The following SLC25A48 variants were observed in gnomAD, a reference collection of about 807,000 sequenced individuals.
The protein encoded by SLC25A48 is CTC-321K16.1.
Under a neutral mutation model 32.2 loss-of-function variants are expected in SLC25A48, and 29 were observed. The observed-to-expected ratio is 0.90, with a 90% CI of 0.67 to 1.23. The LOEUF (loss-of-function observed/expected upper bound fraction) is 1.23, where lower values mean the gene tolerates loss of function less well. Among genes scored for constraint, SLC25A48 ranks in the 50% most tolerant of loss-of-function variants. The pLI is 0.00. For synonymous variants in SLC25A48, 164 were observed against 172.3 expected, an observed-to-expected ratio of 0.95 and a Z score of 0.38; for missense variants, 399 against 422.7, an observed-to-expected ratio of 0.94 and a Z score of 0.49.
chr5:135,714,187 G>A (rs1175297351), intron 3 of SLC25A48, among the ~76,000 whole-genome samples: 1 of 152,192 alleles, frequency 6.6e-6, no homozygotes, highest in Admixed American at 6.5e-5. Context: ...TGAGGGGTTG[G>A]CATGCCCCTG....
intron 3 of SLC25A48, among the ~76,000 whole-genome samples, chr5:135,789,094 A>G (rs552882823): frequency 1.1e-5 from 1 of 91,182 alleles, no homozygotes; most frequent in African/African-American, 3.3e-5. Flanking sequence ...AGAGAGAGGT[A>G]TTACTTCCTA....
chr5:135,821,403 C>T (rs1219631862), intron 4 of SLC25A48, among the ~76,000 whole-genome samples: 2 of 152,196 alleles, frequency 1.3e-5, no homozygotes, highest in Non-Finnish European at 2.9e-5. Flanking sequence ...CAGCCCCACC[C>T]TGAGCGGACT....
intron 3 of SLC25A48, among the ~76,000 whole-genome samples, chr5:135,769,257 A>ATT (rs1301840416): frequency 3.2e-5 from 1 of 31,494 alleles, no homozygotes; most frequent in Non-Finnish European, 9.3e-5. Flanking sequence ...TGTTTGCAAT[A>ATT]TTGGGGGGGG....
intron 3 of SLC25A48, chr5:135,650,268 T>C: frequency 2.6e-6 from 1 of 384,422 alleles, no homozygotes; most frequent in South Asian, 1.9e-5. Context: ...CTGTAGACAA[T>C]TGCTACTCAA....
intron 1 of SLC25A48, among the ~76,000 whole-genome samples, chr5:135,611,634 C>T (rs1752074511): frequency 6.6e-6 from 1 of 151,582 alleles, no homozygotes; most frequent in Non-Finnish European, 1.5e-5. Context: ...ATCGTTTGCA[C>T]CTGGGAGGTG....
intron 3 of SLC25A48, among the ~76,000 whole-genome samples, chr5:135,730,311 C>A (rs556655938): frequency 2.6e-5 from 4 of 152,134 alleles, no homozygotes; most frequent in African/African-American, 9.7e-5. Flanking sequence ...GGGGCCAAGT[C>A]TTTCCCATGC....
At chr5:135,628,914 C>A (rs867232130) in intron 1 of SLC25A48, among the ~76,000 whole-genome samples, 10 of 152,132 alleles carry the variant, frequency 6.6e-5, no homozygotes, top group Non-Finnish European at 1.3e-4. Context: ...TGTCTCAGAC[C>A]CCTGAGGCCA....
At chr5:135,697,383 G>T (rs926533352) in intron 3 of SLC25A48, among the ~76,000 whole-genome samples, 1 of 152,184 alleles carries the variant, frequency 6.6e-6, no homozygotes, top group Non-Finnish European at 1.5e-5. Context: ...TTGGTAGGTG[G>T]TGATTTTCTG....
rs115263564 is a variant in SLC25A48 at position 135,670,083 on chromosome 5, G to A, written c.-521+35127G>A. Among the ~76,000 whole-genome samples, 112 of 152,256 alleles carry A rather than the reference G, an allele frequency of 7.4e-4. 1 individual carries two copies. In the South Asian group the frequency reaches 8.7e-3, roughly 12 times the overall value. ...TTAACTGGGAGTTTCTTAGTAAATC[G>A]TTGTAGAAGCCTTTGTAGATAAGTT... On this transcript the variant is annotated intron_variant, in intron 3 of 10. Coordinates refer to the SLC25A48 transcript ENST00000646290.
chr5:135,624,236 G>C lies in SLC25A48; in HGVS notation c.-848-5001G>C, dbSNP rs749354693. Among the ~76,000 whole-genome samples, 43 of 152,164 alleles carry C rather than the reference G, an allele frequency of 2.8e-4. 1 individual carries two copies. Among genetic ancestry groups the C allele is most frequent in the Non-Finnish European group, 1.8e-4 (12 of 68,028 alleles). On this transcript the variant is annotated intron_variant, in intron 1 of 10. Transcript: ENST00000646290. ...GAACCATAGCGCAGTGATGGGGTGG[G>C]GCACAGTGTTGACATTTCCGTCCCA...
At chr5:135,655,350 T>C (rs1025387915) in intron 3 of SLC25A48, among the ~76,000 whole-genome samples, 2 of 152,210 alleles carry the variant, frequency 1.3e-5, no homozygotes, top group Admixed American at 6.5e-5. Context: ...CTGTGCTCCC[T>C]GTCTCAAGGA....
At chr5:135,724,342 G>A (rs1580815830) in intron 3 of SLC25A48, among the ~76,000 whole-genome samples, 1 of 152,250 alleles carries the variant, frequency 6.6e-6, no homozygotes, top group African/African-American at 2.4e-5. Context: ...GCTCTTAAAT[G>A]TCAGAGGCTG....
At chr5:135,793,041 C>G (rs1467201134) in intron 3 of SLC25A48, among the ~76,000 whole-genome samples, 2 of 151,010 alleles carry the variant, frequency 1.3e-5, no homozygotes, top group African/African-American at 4.9e-5. Context: ...GGGTGTACAC[C>G]AGGTGGGTAC....
At chr5:135,718,604 G>T (rs1461864175) in intron 3 of SLC25A48, among the ~76,000 whole-genome samples, 3 of 152,150 alleles carry the variant, frequency 2.0e-5, no homozygotes, top group Non-Finnish European at 2.9e-5. Context: ...TTATTATGAT[G>T]ATTCTAATTG....
chr5:135,650,446 G>C (rs1753082087), intron 3 of SLC25A48: 1 of 456,012 alleles, frequency 2.2e-6, no homozygotes, highest in Non-Finnish European at 4.4e-6. Context: ...TCCAGACACA[G>C]TGAGTTCCCA....
intron 3 of SLC25A48, 50 bp from the exon 4 acceptor site, chr5:135,852,513 C>G: frequency 6.5e-7 from 1 of 1,549,686 alleles, no homozygotes; most frequent in Non-Finnish European, 8.8e-7. Context: ...GCAGGCTCTG[C>G]GACGGCAGCC....
chr5:135,599,007 G>A (rs1345493953), intron 1 of SLC25A48, among the ~76,000 whole-genome samples: 1 of 151,798 alleles, frequency 6.6e-6, no homozygotes, highest in African/African-American at 2.4e-5. Flanking sequence ...GTGAAGGAGG[G>A]GATATAACGA....
intron 4 of SLC25A48, among the ~76,000 whole-genome samples, chr5:135,866,407 G>A (rs573676690): frequency 1.3e-5 from 2 of 152,244 alleles, no homozygotes; most frequent in Non-Finnish European, 2.9e-5. Flanking sequence ...ACATCTTTGT[G>A]TTTGTGTCTG....
intron 3 of SLC25A48, among the ~76,000 whole-genome samples, chr5:135,769,633 G>A (rs774642427): frequency 6.6e-6 from 1 of 151,600 alleles, no homozygotes; most frequent in East Asian, 1.9e-4. Flanking sequence ...ATAATATCCA[G>A]TTGGGTAGAG....
Sources: gnomAD v4.1 joint callset for allele counts (sites outside exome capture counted in the v4.1 genomes callset) on GRCh38, gnomAD v4.1.1 for gene constraint, MANE v1.5 for transcripts, NCBI Gene and HGNC (gene_info 2026-07-23, HGNC 2026-07-21) for gene names.